The following GLIS2 variants were observed in gnomAD, a reference collection of about 807,000 sequenced individuals.
GLIS2 encodes zinc finger protein GLIS2.
In GLIS2, 14 loss-of-function variants were observed where a neutral mutation model predicts 35.6. That is an observed-to-expected ratio of 0.39 (90% CI 0.26 to 0.61). The LOEUF is 0.61. GLIS2 is among the 20% of genes least tolerant of loss of function. GLIS2 has a pLI of 0.48. For missense variants in GLIS2, 675 were observed against 713.4 expected (o/e 0.95, Z 0.61); for synonymous variants, 368 against 325.1 (o/e 1.13, Z -1.42).
At position 4,320,844 on chromosome 16, in the gene GLIS2, C is replaced by T. The variant is rs919273120; in HGVS notation, c.-67+4590C>T. On this transcript the variant is annotated intron_variant, in intron 1 of 6. Coordinates refer to ENST00000433375, the MANE Select transcript of GLIS2 (RefSeq NM_032575.3). The surrounding 1 kb of genome is among the most constrained non-coding windows in gnomAD (Gnocchi z 5.6). ...GTCCCCCCAACCCTGTGCTGGTGCTCGTCTCCCTGCCAGCCCCGGCCTCCC... is the reference window on the plus strand; with the variant it reads ...GTCCCCCCAACCCTGTGCTGGTGCTTGTCTCCCTGCCAGCCCCGGCCTCCC... Among the ~76,000 whole-genome samples the T allele has an allele frequency of 6.6e-6, 1 of 152,030 alleles. No individual in the cohort carries two copies. Among genetic ancestry groups the T allele is most frequent in the Non-Finnish European group, 1.5e-5 (1 of 67,978 alleles).
rs2053562499 is a variant in GLIS2, at chr16:4,337,112, ACGGTGGGGG to A, written c.1165_1173del (p.Gly389_Gly391del). ...GACCTCAGTGCCCTGGCCTGTGGCA[ACGGTGGGGG>A]CAGTGGGGGTGGGGGGGGCATGGGC... is the stretch of plus-strand genomic sequence containing the variant. On this transcript the variant is annotated inframe_deletion, in exon 7 of 7. Transcript: ENST00000433375. 4 of 1,535,880 alleles carry A rather than the reference ACGGTGGGGG, an allele frequency of 2.6e-6. No homozygotes were observed. The highest frequency in any genetic ancestry group is 2.6e-6 in the Non-Finnish European group (3 of 1,146,276).
intron 1 of GLIS2, among the ~76,000 whole-genome samples, chr16:4,329,646 T>G (rs922910733): frequency 1.3e-5 from 2 of 152,126 alleles, no homozygotes; most frequent in African/African-American, 4.8e-5. Context: ...TCCTGCCCTG[T>G]GGACAGCATC....
At position 4,337,065 on chromosome 16, in the gene GLIS2, AC is replaced by A; in HGVS notation, c.1120del (p.Leu374TrpfsTer150). On this transcript the variant is annotated frameshift_variant, in exon 7 of 7. Transcript: ENST00000433375. LOFTEE classifies it high-confidence loss of function. ...GGPGLPGLPL[P>X]LAPGPLDLSA... The stretch of plus-strand genomic sequence containing the variant: ...GCCCTGGCCTGCCCGGCTTACCCCT[AC>A]CCCTGGCCCCCGGCCCCCTTGACCT... The A allele has an allele frequency of 6.5e-7, 1 of 1,549,552 alleles. No homozygotes were observed.
intron 1 of GLIS2, among the ~76,000 whole-genome samples, chr16:4,321,852 C>T (rs1365828541): frequency 6.6e-6 from 1 of 151,952 alleles, no homozygotes; most frequent in African/African-American, 2.4e-5. Context: ...GCGCTGTGTA[C>T]ACCACGCTGT....
chr16:4,322,819 T>C (rs1157454406), intron 1 of GLIS2, among the ~76,000 whole-genome samples: 1 of 152,210 alleles, frequency 6.6e-6, no homozygotes, highest in African/African-American at 2.4e-5. Flanking sequence ...GTGGACCTGG[T>C]ACCTGGCCCC....
chr16:4,327,885 C>T (rs1001165679), intron 1 of GLIS2, among the ~76,000 whole-genome samples: 1 of 152,174 alleles, frequency 6.6e-6, no homozygotes, highest in Non-Finnish European at 1.5e-5. Context: ...CCACCCCCAC[C>T]CCCCACCGAC....
chr16:4,334,577 C>T (rs1346229462), intron 3 of GLIS2, among the ~76,000 whole-genome samples: 1 of 151,710 alleles, frequency 6.6e-6, no homozygotes, highest in East Asian at 1.9e-4. Flanking sequence ...ATTTAAAACA[C>T]ACCAGTCACT....
chr16:4,330,999 C>T (rs963969270), intron 1 of GLIS2, among the ~76,000 whole-genome samples: 8 of 152,180 alleles, frequency 5.3e-5, no homozygotes, highest in Non-Finnish European at 5.9e-5. Context: ...GTTTTTGAGA[C>T]GGAGTCTTGC....
upstream of GLIS2, among the ~76,000 whole-genome samples, chr16:4,315,788 C>T (rs1340546703): frequency 1.3e-5 from 2 of 150,806 alleles, no homozygotes; most frequent in Non-Finnish European, 3.0e-5. Context: ...TCCCTTCCCC[C>T]TCCCTCGGCC....
intron 1 of GLIS2, among the ~76,000 whole-genome samples, chr16:4,317,473 C>A (rs1360539825): frequency 6.6e-6 from 1 of 152,154 alleles, no homozygotes; most frequent in East Asian, 1.9e-4. Flanking sequence ...GCCTTCCAGC[C>A]CCCGGGCTCA....
At position 4,335,496 on chromosome 16, in the gene GLIS2, C is replaced by T. The variant is rs1288347868; in HGVS notation, c.775+103C>T. ...AGGGGACTGTTAAGTAAATCCCGGG[C>T]CTCAGAGATAAGGGTTGATGTCATC... On this transcript the variant is annotated intron_variant, in intron 6 of 6. Coordinates refer to ENST00000433375, the MANE Select transcript of GLIS2 (RefSeq NM_032575.3). This position sits in a 1 kb window ranked among gnomAD's most constrained non-coding sequence, Gnocchi z 4.6. The T allele has an allele frequency of 2.9e-6, 3 of 1,036,450 alleles. No individual in the cohort carries two copies. In the Admixed American group the frequency reaches 5.5e-5, roughly 19 times the overall value. 64.2% of individuals were successfully genotyped at this position (1,036,450 alleles called of 1,614,324 possible).
upstream of GLIS2, among the ~76,000 whole-genome samples, chr16:4,316,061 G>C (rs1345212780): frequency 8.5e-6 from 1 of 117,426 alleles, no homozygotes; most frequent in African/African-American, 3.1e-5. Flanking sequence ...CCCGGCCGCC[G>C]CGGCCACCTT....
In GLIS2 at chr16:4,335,404, G is replaced by C. The variant is rs762232748; in HGVS notation, c.775+11G>C. ...ACCGGTCGCACACAGGTAAGAGGCCGGGGCCGGGCGGCTTGGCCCATGAAG... is the reference window on the plus strand; with the variant it reads ...ACCGGTCGCACACAGGTAAGAGGCCCGGGCCGGGCGGCTTGGCCCATGAAG... On this transcript the variant is annotated intron_variant, in intron 6 of 6. Transcript: ENST00000433375. This position sits in a 1 kb window ranked among gnomAD's most constrained non-coding sequence, Gnocchi z 4.6. The C allele has an allele frequency of 3.1e-6, 5 of 1,612,524 alleles. No individual in the cohort carries two copies. The South Asian group carries it at 5.5e-5, about 18-fold the overall frequency.
rs1392457183 is a variant in GLIS2 at position 4,337,626 on chromosome 16, G to C, written c.*102G>C. 19 of 1,497,032 alleles carry C rather than the reference G, an allele frequency of 1.3e-5. No homozygotes were observed. The highest frequency in any genetic ancestry group is 1.5e-5 in the Non-Finnish European group (17 of 1,113,644). 92.7% of individuals were successfully genotyped at this position (1,497,032 alleles called of 1,614,324 possible). A position where few individuals can be genotyped will look rare whatever the true frequency, so the allele number is the denominator to read the frequency against. The stretch of plus-strand genomic sequence containing the variant: ...AAATAGCAATAATGTCCTACTGCCC[G>C]GGCAGCCCCAGCCCAGCCCGCCGGG... On this transcript the variant is annotated 3_prime_UTR_variant, in exon 7 of 7. Transcript: ENST00000433375.
At chr16:4,319,583 G>C (rs2053353419) in intron 1 of GLIS2, among the ~76,000 whole-genome samples, 1 of 152,210 alleles carries the variant, frequency 6.6e-6, no homozygotes, top group South Asian at 2.1e-4. Flanking sequence ...GGCCACATCT[G>C]CCTCTCAGTG....
At chr16:4,327,614 G>T (rs1222875482) in intron 1 of GLIS2, among the ~76,000 whole-genome samples, 1 of 152,114 alleles carries the variant, frequency 6.6e-6, no homozygotes, top group African/African-American at 2.4e-5. Flanking sequence ...CCGTCTGCTC[G>T]GGCTGCGGTC....
At position 4,338,914 on chromosome 16, in the gene GLIS2, A is replaced by G. The variant is rs2053593105; in HGVS notation, c.*1390A>G. 6.6e-6 allele frequency: 1 copy of G among 152,310 alleles called. No homozygotes were observed. Among genetic ancestry groups the G allele is most frequent in the Non-Finnish European group, 1.5e-5 (1 of 68,128 alleles). The allele number at this position is 152,310 out of a possible 1,614,324, so 9.4% of individuals were successfully genotyped here. On this transcript the variant is annotated 3_prime_UTR_variant, in exon 7 of 7. Coordinates refer to ENST00000433375, the MANE Select transcript of GLIS2 (RefSeq NM_032575.3). ...CTGGCAGCTGGGAGTTCTGGCTTCT[A>G]GGCCTGCCCTGTCACCAGGCCTCTG...
chr16:4,339,326 C>G lies in GLIS2; in HGVS notation c.*1802C>G, dbSNP rs921810394. Reference sequence around the variant, plus strand: ...GAGGAACAGGGCACTGGAAGGCCGACGAGCTCAGCATGCGACTCGGTGACG... The same window carrying G: ...GAGGAACAGGGCACTGGAAGGCCGAGGAGCTCAGCATGCGACTCGGTGACG... On this transcript the variant is annotated 3_prime_UTR_variant, in exon 7 of 7. Transcript: ENST00000433375. The G allele has an allele frequency of 6.5e-6, 1 of 152,706 alleles. No individual in the cohort carries two copies. Among genetic ancestry groups the G allele is most frequent in the Non-Finnish European group, 1.5e-5 (1 of 68,196 alleles). The allele number at this position is 152,706 out of a possible 1,614,324, so 9.5% of individuals were successfully genotyped here.
chr16:4,318,826 A>G (rs1247758233), intron 1 of GLIS2, among the ~76,000 whole-genome samples: 2 of 152,270 alleles, frequency 1.3e-5, no homozygotes, highest in Middle Eastern at 3.4e-3. Flanking sequence ...TCCCATGTGT[A>G]TTTCTAGCCA....
Sources: gnomAD v4.1 joint callset for allele counts (sites outside exome capture counted in the v4.1 genomes callset) on GRCh38, gnomAD v4.1.1 for gene constraint, Gnocchi (gnomAD v3.1) non-coding constraint, MANE v1.5 for transcripts, NCBI Gene and HGNC (gene_info 2026-07-23, HGNC 2026-07-21) for gene names.